Variants in SORCS1 observed in about 807,000 individuals in gnomAD.
SORCS1 encodes sortilin related VPS10 domain containing receptor 1, also known as VPS10 domain-containing receptor SorCS1.
Under a neutral mutation model 146.1 loss-of-function variants are expected in SORCS1, and 60 were observed. The ratio of observed to expected loss-of-function variants is 0.41; its 90% confidence interval spans 0.33 to 0.51. The LOEUF (loss-of-function observed/expected upper bound fraction) is 0.51, where lower values mean the gene tolerates loss of function less well. SORCS1 is among the 20% of genes least tolerant of loss of function. The pLI is 0.21. For synonymous variants in SORCS1, 637 were observed against 584.0 expected, an observed-to-expected ratio of 1.09 and a Z score of -1.31; for missense variants, 1,352 against 1,487.6, an observed-to-expected ratio of 0.91 and a Z score of 1.50.
At chr10:106,990,510 T>C (rs1387994260) in intron 1 of SORCS1, among the ~76,000 whole-genome samples, 1 of 152,162 alleles carries the variant, frequency 6.6e-6, no homozygotes, top group Admixed American at 6.5e-5. Flanking sequence ...CCTCAAGTGA[T>C]CTGCCTGCCT....
chr10:106,959,382 ATTAT>A (rs968569707), intron 1 of SORCS1, among the ~76,000 whole-genome samples: 2 of 152,136 alleles, frequency 1.3e-5, no homozygotes, highest in African/African-American at 4.8e-5. Flanking sequence ...TTTTCAATCG[ATTAT>A]TTGAGATTTC....
intron 2 of SORCS1, among the ~76,000 whole-genome samples, chr10:106,835,125 G>A (rs915488680): frequency 3.3e-5 from 5 of 151,978 alleles, no homozygotes; most frequent in African/African-American, 7.2e-5. Flanking sequence ...CATCCCACCC[G>A]CCTTCCAAGA....
chr10:106,648,719 C>T (rs1158395176), intron 18 of SORCS1, among the ~76,000 whole-genome samples: 2 of 152,066 alleles, frequency 1.3e-5, no homozygotes, highest in South Asian at 4.1e-4. Flanking sequence ...TTAAATGATA[C>T]AGAAGTGGGG....
chr10:106,843,040 G>C (rs138297621), intron 2 of SORCS1, among the ~76,000 whole-genome samples: 1 of 152,236 alleles, frequency 6.6e-6, no homozygotes, highest in African/African-American at 2.4e-5. Context: ...TATACATTTT[G>C]AAATAATTAC....
At position 106,882,673 on chromosome 10, in the gene SORCS1, A is replaced by T. The variant is rs60946552; in HGVS notation, c.627-53000T>A. Among the ~76,000 whole-genome samples the T allele has an allele frequency of 1.1e-4, 17 of 152,300 alleles. No homozygotes were observed. In the East Asian group the frequency reaches 2.9e-3, roughly 26 times the overall value. On this transcript the variant is annotated intron_variant, in intron 2 of 25. Transcript: ENST00000263054. ...TACACACGCACACTCACACTCACACACACACATACACACACAATCTATTTG... is the reference window on the plus strand; with the variant it reads ...TACACACGCACACTCACACTCACACTCACACATACACACACAATCTATTTG...
At chr10:106,753,417 G>GTGTA (rs1228206753) in intron 5 of SORCS1, among the ~76,000 whole-genome samples, 1 of 152,108 alleles carries the variant, frequency 6.6e-6, no homozygotes, top group Non-Finnish European at 1.5e-5. Context: ...GTGACCTCGT[G>GTGTA]TGTATATAAC....
intron 1 of SORCS1, among the ~76,000 whole-genome samples, chr10:107,147,868 CAG>C (rs1206186412): frequency 1.2e-4 from 18 of 152,010 alleles, no homozygotes; most frequent in Admixed American, 1.2e-3. Flanking sequence ...GGGAGACATA[CAG>C]AGAGTGACCC....
chr10:106,708,394 T>C (rs1854693182), intron 7 of SORCS1, among the ~76,000 whole-genome samples: 1 of 152,166 alleles, frequency 6.6e-6, no homozygotes. Flanking sequence ...ATAAATGTAA[T>C]ACTGTCTAGA....
chr10:106,747,903 T>G (rs1274489704), intron 5 of SORCS1, among the ~76,000 whole-genome samples: 1 of 152,212 alleles, frequency 6.6e-6, no homozygotes, highest in African/African-American at 2.4e-5. Flanking sequence ...ATATGTACTA[T>G]TACGTGTCAA....
chr10:106,909,602 G>T (rs905849659), intron 2 of SORCS1, among the ~76,000 whole-genome samples: 10 of 152,148 alleles, frequency 6.6e-5, no homozygotes, highest in Admixed American at 6.5e-4. Context: ...CTAAGTAGGG[G>T]GTGGTGGTGT....
intron 6 of SORCS1, among the ~76,000 whole-genome samples, chr10:106,711,992 G>A (rs999755351): frequency 6.6e-6 from 1 of 152,172 alleles, no homozygotes; most frequent in East Asian, 1.9e-4. Flanking sequence ...TTATTTATTA[G>A]CTGTGTAGTT....
At chr10:106,617,847 A>G (rs1236274395) in intron 21 of SORCS1, among the ~76,000 whole-genome samples, 1 of 152,220 alleles carries the variant, frequency 6.6e-6, no homozygotes, top group Non-Finnish European at 1.5e-5. Context: ...GTATTCAAAT[A>G]TTACTAACAA....
chr10:106,751,252 A>T (rs1858213297), intron 5 of SORCS1, among the ~76,000 whole-genome samples: 1 of 152,030 alleles, frequency 6.6e-6, no homozygotes, highest in Non-Finnish European at 1.5e-5. Context: ...GACCTTGGGA[A>T]GGGATCTCTG....
chr10:106,850,130 G>T (rs1224363681), intron 2 of SORCS1, among the ~76,000 whole-genome samples: 3 of 151,722 alleles, frequency 2.0e-5, no homozygotes, highest in African/African-American at 7.2e-5. Flanking sequence ...CGAGCTTCCC[G>T]GCTGCTTTGT....
chr10:106,600,211 C>T (rs1846157691), intron 23 of SORCS1: 2 of 496,412 alleles, frequency 4.0e-6, no homozygotes, highest in South Asian at 8.9e-5. Context: ...CAGGAGAGAC[C>T]CTTGTGAAAA....
chr10:106,836,281 T>C (rs1223434525), intron 2 of SORCS1, among the ~76,000 whole-genome samples: 1 of 151,958 alleles, frequency 6.6e-6, no homozygotes, highest in Non-Finnish European at 1.5e-5. Flanking sequence ...GAGATCATCC[T>C]GGCTAACACG....
intron 9 of SORCS1, among the ~76,000 whole-genome samples, chr10:106,689,311 A>G (rs1853117977): frequency 6.6e-6 from 1 of 152,210 alleles, no homozygotes. Flanking sequence ...TTGCAACTGT[A>G]ACAGCTCAGG....
intron 1 of SORCS1, among the ~76,000 whole-genome samples, chr10:106,992,496 T>C (rs1956806669): frequency 6.6e-6 from 1 of 152,172 alleles, no homozygotes; most frequent in Non-Finnish European, 1.5e-5. Context: ...CTAATTCTTT[T>C]TCTTTTCTTT....
intron 23 of SORCS1, chr10:106,600,696 G>C: frequency 3.0e-6 from 3 of 985,400 alleles, no homozygotes; most frequent in Non-Finnish European, 3.6e-6. Context: ...GTCAGTGCTG[G>C]CATCTTCATG....
Sources: allele counts gnomAD v4.1 joint callset (sites outside exome capture counted in the v4.1 genomes callset), GRCh38; gene constraint gnomAD v4.1.1; transcripts MANE v1.5; gene names NCBI Gene and HGNC (gene_info 2026-07-23, HGNC 2026-07-21).